The following RHOD variants were observed in gnomAD, a reference collection of about 807,000 sequenced individuals.
RHOD encodes ras homolog family member D, also known as rho-related GTP-binding protein RhoD.
In RHOD, 11 loss-of-function variants were observed where a neutral mutation model predicts 16.7. The ratio of observed to expected loss-of-function variants is 0.66; its 90% confidence interval spans 0.41 to 1.09. RHOD has a LOEUF of 1.09. RHOD is among the 50% of genes least tolerant of loss of function. The pLI is 0.00. For missense variants in RHOD, 271 were observed against 291.7 expected, an observed-to-expected ratio of 0.93 and a Z score of 0.52; for synonymous variants, 124 against 126.3, an observed-to-expected ratio of 0.98 and a Z score of 0.12.
intron 1 of RHOD, among the ~76,000 whole-genome samples, chr11:67,065,138 C>T (rs1051005457): frequency 8.6e-5 from 13 of 151,568 alleles, no homozygotes; most frequent in African/African-American, 2.2e-4. Flanking sequence ...TGCAATGGCG[C>T]GATCTCAGCT....
intron 1 of RHOD, among the ~76,000 whole-genome samples, chr11:67,062,735 G>A (rs1854908066): frequency 6.6e-6 from 1 of 152,198 alleles, no homozygotes; most frequent in Non-Finnish European, 1.5e-5. Flanking sequence ...ATTCTCCTGA[G>A]TCACGGGCAG....
chr11:67,058,321 G>A (rs530027266), intron 1 of RHOD, among the ~76,000 whole-genome samples: 18 of 152,224 alleles, frequency 1.2e-4, no homozygotes, highest in South Asian at 8.3e-4. Flanking sequence ...GACTACAGGC[G>A]CGTGCCACCG....
At chr11:67,060,937 GC>G (rs1036389875) in intron 1 of RHOD, among the ~76,000 whole-genome samples, 1 of 152,250 alleles carries the variant, frequency 6.6e-6, no homozygotes, top group African/African-American at 2.4e-5. Context: ...ACAATGACAG[GC>G]CCCTACTCTA....
chr11:67,065,056 T>C (rs1421254882), intron 1 of RHOD, among the ~76,000 whole-genome samples: 2 of 151,654 alleles, frequency 1.3e-5, no homozygotes, highest in Admixed American at 6.6e-5. Flanking sequence ...ACTGAATCCT[T>C]GTAGCGGCAC....
intron 1 of RHOD, among the ~76,000 whole-genome samples, chr11:67,061,666 G>A (rs1401763391): frequency 6.8e-5 from 10 of 147,146 alleles, no homozygotes; most frequent in Admixed American, 3.4e-4. Flanking sequence ...CCCGGGAGGC[G>A]GACCTTGCAG....
In RHOD at chr11:67,061,751, A is replaced by AT. The variant is rs1213409425; in HGVS notation, c.133-4145_133-4144insT. Reference sequence around the variant, plus strand: ...GCGAGACCCTCTCTAAAAAAAAAAAAAAAAATATATATATATATATATATG... The same window carrying AT: ...GCGAGACCCTCTCTAAAAAAAAAAAATAAAAATATATATATATATATATATG... On this transcript the variant is annotated intron_variant, in intron 1 of 4. Coordinates refer to ENST00000308831, the MANE Select transcript of RHOD (RefSeq NM_014578.4). Among the ~76,000 whole-genome samples, 613 of 136,154 alleles carry AT rather than the reference A, an allele frequency of 4.5e-3. 4 individuals are homozygous for AT. Among genetic ancestry groups the AT allele is most frequent in the African/African-American group, 0.016 (567 of 35,202 alleles). The allele number at this position is 136,154 out of a possible 152,430, so 89.3% of individuals were successfully genotyped here.
rs552302677 is a variant in RHOD at position 67,065,300 on chromosome 11, T to G, written c.133-596T>G. 5.9e-5 allele frequency among the ~76,000 whole-genome samples: 9 copies of G among 152,298 alleles called. No individual in the cohort carries two copies. The South Asian group carries it at 1.9e-3, about 32-fold the overall frequency. ...CATGTTGGTCAGCCTGGTCTCAAAC[T>G]CCTGACCTCATGATCCGCCCACTTC... is the stretch of plus-strand genomic sequence containing the variant. On this transcript the variant is annotated intron_variant, in intron 1 of 4. Transcript: ENST00000308831.
intron 1 of RHOD, among the ~76,000 whole-genome samples, chr11:67,065,031 C>T (rs565070492): frequency 4.8e-4 from 73 of 151,798 alleles, no homozygotes; most frequent in African/African-American, 1.7e-3. Context: ...CTAAGGGCTC[C>T]GCATGGAATA....
Position 67,071,774 on chromosome 11 carries a change from C to A in RHOD, c.*172C>A. On this transcript the variant is annotated 3_prime_UTR_variant, in exon 5 of 5. Transcript: ENST00000308831. ...GAGTCCTGGACTGAGAAAGGGGGTT[C>A]CTGGGCCCACCTGCTCTGTGTAGGG... The A allele has an allele frequency of 3.2e-6, 2 of 632,290 alleles. No individual in the cohort carries two copies. The highest frequency in any genetic ancestry group is 5.3e-6 in the Non-Finnish European group (2 of 375,186). 39.2% of individuals were successfully genotyped at this position (632,290 alleles called of 1,614,324 possible). A position where few individuals can be genotyped will look rare whatever the true frequency, so the allele number is the denominator to read the frequency against.
chr11:67,070,486 C>T lies in RHOD; in HGVS notation c.392C>T (p.Thr131Ile). The T allele has an allele frequency of 2.5e-6, 4 of 1,614,096 alleles. No homozygotes were observed. The highest frequency in any genetic ancestry group is 3.4e-6 in the Non-Finnish European group (4 of 1,180,016). ...CCCATCATCGTCGTGGGCTGCAAGACTGACCTGCGCAAGGACAAATCACTG... is the reference window on the plus strand; with the variant it reads ...CCCATCATCGTCGTGGGCTGCAAGATTGACCTGCGCAAGGACAAATCACTG... ...KVPIIVVGCK[T>I]DLRKDKSLVN... Residue 131 changes from threonine to isoleucine, a missense_variant, in exon 4 of 5, where the codon ACT (threonine) becomes ATT (isoleucine). By Grantham distance (89) the Thr-to-Ile change is moderately conservative (BLOSUM62 -1). Transcript: ENST00000308831.
At position 67,070,696 on chromosome 11, in the gene RHOD, C is replaced by G. The variant is rs1855019091; in HGVS notation, c.465+137C>G. ...GGTCGTCTTAGAGGCTGTCAGAGGT[C>G]AGAAACTTCCAGCACTTAGAAATGG... On this transcript the variant is annotated intron_variant, in intron 4 of 4. Coordinates refer to ENST00000308831, the MANE Select transcript of RHOD (RefSeq NM_014578.4). 4.2e-6 allele frequency: 4 copies of G among 963,006 alleles called. No individual in the cohort carries two copies. The East Asian group carries it at 1.0e-4, about 25-fold the overall frequency. The allele number at this position is 963,006 out of a possible 1,614,324, so 59.7% of individuals were successfully genotyped here.
At chr11:67,057,802 A>AGGCTGACAGGCAGCTCCCGTGCGGT (rs1854832218) in intron 1 of RHOD, among the ~76,000 whole-genome samples, 1 of 152,128 alleles carries the variant, frequency 6.6e-6, no homozygotes, top group Non-Finnish European at 1.5e-5. Flanking sequence ...AGCCCAGGGG[A>AGGCTGACAGGCAGCTCCCGTGCGGT]GGCTGACAGG....
rs148474967 is a variant in RHOD at position 67,057,864 on chromosome 11, G to A, written c.132+830G>A. Among the ~76,000 whole-genome samples, 117 of 152,358 alleles carry A rather than the reference G, an allele frequency of 7.7e-4. No homozygotes were observed. In the East Asian group the frequency reaches 0.014, roughly 18 times the overall value. ...CCTTGGCGCTGTAGGCATGCCCACC[G>A]TTAATCCTTCCTGACATGCTCACTG... On this transcript the variant is annotated intron_variant, in intron 1 of 4. Transcript: ENST00000308831.
chr11:67,057,617 A>G (rs892633492), intron 1 of RHOD, among the ~76,000 whole-genome samples: 1 of 152,214 alleles, frequency 6.6e-6, no homozygotes, highest in Non-Finnish European at 1.5e-5. Flanking sequence ...AGCACATGCC[A>G]TGGGCTCTGC....
At chr11:67,066,014 G>GGGGC in intron 2 of RHOD, 31 bp downstream of exon 2, 1 of 1,373,212 alleles carries the variant, frequency 7.3e-7, no homozygotes, top group Non-Finnish European at 1.0e-6. Context: ...CAGGGTGGGA[G>GGGGC]GGGCTTCTGT....
intron 1 of RHOD, among the ~76,000 whole-genome samples, chr11:67,063,800 CAAAAAAAAAAA>C (rs71045978): frequency 1.1e-4 from 4 of 37,930 alleles, no homozygotes; most frequent in Non-Finnish European, 1.8e-4. Flanking sequence ...GACTCTCTCT[CAAAAAAAAAAA>C]AAAAAAAAAA....
At chr11:67,057,585 C>T (rs1292794140) in intron 1 of RHOD, among the ~76,000 whole-genome samples, 1 of 152,266 alleles carries the variant, frequency 6.6e-6, no homozygotes, top group Non-Finnish European at 1.5e-5. Flanking sequence ...CATTGTCTCC[C>T]TTCCAGCTCT....
intron 1 of RHOD, among the ~76,000 whole-genome samples, chr11:67,061,820 ATGTGTG>A (rs372226128): frequency 7.9e-4 from 100 of 127,078 alleles, no homozygotes; most frequent in Non-Finnish European, 1.3e-3. Context: ...GTATATATAT[ATGTGTG>A]TGTGTGTGTG....
chr11:67,058,037 C>T (rs1854837225), intron 1 of RHOD, among the ~76,000 whole-genome samples: 1 of 152,162 alleles, frequency 6.6e-6, no homozygotes, highest in Admixed American at 6.6e-5. Flanking sequence ...CTCTGTCACC[C>T]AGGCTGGAGT....
Sources: gnomAD v4.1 joint callset for allele counts (sites outside exome capture counted in the v4.1 genomes callset) on GRCh38, gnomAD v4.1.1 for gene constraint, MANE v1.5 for transcripts, NCBI Gene and HGNC (gene_info 2026-07-23, HGNC 2026-07-21) for gene names.